Variants in CNTN6 observed in about 807,000 individuals in gnomAD.
The protein encoded by CNTN6 is contactin 6.
CNTN6 carries 137 observed loss-of-function variants against 122.8 expected under a neutral mutation model. That is an observed-to-expected ratio of 1.12 (90% CI 0.97 to 1.29). The LOEUF is 1.29. Ranked by LOEUF, CNTN6 falls within the 50% of genes most tolerant of loss-of-function variation. The pLI is 0.00. For missense variants in CNTN6, 1,634 were observed against 1,223.4 expected (o/e 1.34, Z -5.01); for synonymous variants, 570 against 426.0 (o/e 1.34, Z -4.16).
chr3:1,300,017 C>T (rs1027692807), intron 7 of CNTN6, among the ~76,000 whole-genome samples: 1 of 151,946 alleles, frequency 6.6e-6, no homozygotes, highest in African/African-American at 2.4e-5. Flanking sequence ...TGCTCTGTTG[C>T]TCAGGCTGGA....
intron 2 of CNTN6, among the ~76,000 whole-genome samples, chr3:1,199,458 G>C (rs1206599889): frequency 1.3e-5 from 2 of 151,970 alleles, no homozygotes; most frequent in African/African-American, 4.8e-5. Flanking sequence ...GGAATTACAG[G>C]TGTGAGCCAC....
At chr3:1,272,439 C>T (rs546463786) in intron 4 of CNTN6, among the ~76,000 whole-genome samples, 79 of 152,118 alleles carry the variant, frequency 5.2e-4, no homozygotes, top group Non-Finnish European at 6.3e-4. Flanking sequence ...GAGCATCTGA[C>T]ATATAATGGC....
At chr3:1,389,140 A>G (rs1693684325) in intron 20 of CNTN6, among the ~76,000 whole-genome samples, 2 of 145,620 alleles carry the variant, frequency 1.4e-5, no homozygotes, top group East Asian at 4.0e-4. Flanking sequence ...AATGAAGGAA[A>G]AAATGTTAAC....
chr3:1,134,897 T>G (rs2092432906), intron 1 of CNTN6, among the ~76,000 whole-genome samples: 1 of 152,090 alleles, frequency 6.6e-6, no homozygotes, highest in Non-Finnish European at 1.5e-5. Context: ...AAATCTTAGA[T>G]AATATTTTAG....
intron 20 of CNTN6, among the ~76,000 whole-genome samples, chr3:1,400,164 C>T (rs934107944): frequency 8.5e-5 from 13 of 152,094 alleles, no homozygotes; most frequent in African/African-American, 3.1e-4. Context: ...CTCAGCCTCA[C>T]AAATTCAAAA....
chr3:1,197,639 G>T (rs1370181153), intron 2 of CNTN6, among the ~76,000 whole-genome samples: 3 of 152,156 alleles, frequency 2.0e-5, no homozygotes, highest in Non-Finnish European at 4.4e-5. Flanking sequence ...GCACTTATGT[G>T]GAGAGGAAGC....
intron 1 of CNTN6, among the ~76,000 whole-genome samples, chr3:1,134,090 C>A (rs1200437402): frequency 6.6e-6 from 1 of 152,140 alleles, no homozygotes; most frequent in Non-Finnish European, 1.5e-5. Flanking sequence ...AAAGACCACT[C>A]ACTGTGAAGT....
chr3:1,394,297 C>A (rs917572424), intron 20 of CNTN6: 3 of 192,548 alleles, frequency 1.6e-5, no homozygotes, highest in South Asian at 7.7e-5. Context: ...GCAGTGACGG[C>A]CCCCCGAAAC....
At chr3:1,207,041 A>G (rs1291272834) in intron 2 of CNTN6, among the ~76,000 whole-genome samples, 2 of 152,106 alleles carry the variant, frequency 1.3e-5, no homozygotes, top group Non-Finnish European at 2.9e-5. Flanking sequence ...TCAAATGCAT[A>G]TACCTTCAGT....
intron 20 of CNTN6, among the ~76,000 whole-genome samples, chr3:1,388,397 C>T (rs1361286333): frequency 6.6e-6 from 1 of 150,394 alleles, no homozygotes; most frequent in Non-Finnish European, 1.5e-5. Context: ...ACATCCACAC[C>T]AAAAACCCAT....
At chr3:1,226,982 G>A (rs528154728) in intron 3 of CNTN6, among the ~76,000 whole-genome samples, 42 of 152,172 alleles carry the variant, frequency 2.8e-4, no homozygotes, top group African/African-American at 1.0e-3. Flanking sequence ...AAATATTTGG[G>A]GATTTTGATG....
chr3:1,251,622 A>G (rs1435047882), intron 4 of CNTN6, among the ~76,000 whole-genome samples: 1 of 151,850 alleles, frequency 6.6e-6, no homozygotes, highest in East Asian at 1.9e-4. Context: ...TCACTTTCCA[A>G]TTAATGACCA....
At chr3:1,335,818 C>T (rs1702967873) in intron 11 of CNTN6, among the ~76,000 whole-genome samples, 1 of 152,056 alleles carries the variant, frequency 6.6e-6, no homozygotes, top group East Asian at 1.9e-4. Flanking sequence ...TGCTTGAGTT[C>T]AGGAGTTCGA....
At chr3:1,379,706 G>C (rs1264500652) in intron 17 of CNTN6, among the ~76,000 whole-genome samples, 1 of 152,016 alleles carries the variant, frequency 6.6e-6, no homozygotes, top group Non-Finnish European at 1.5e-5. Context: ...GAGGAGGTGG[G>C]GGGTGGATAT....
chr3:1,185,907 A>G (rs1203402395), intron 2 of CNTN6, among the ~76,000 whole-genome samples: 1 of 152,210 alleles, frequency 6.6e-6, no homozygotes, highest in African/African-American at 2.4e-5. Context: ...TTTAGTTCCT[A>G]GAGACAGATG....
chr3:1,124,038 C>T (rs1214214563), intron 1 of CNTN6, among the ~76,000 whole-genome samples: 2 of 151,776 alleles, frequency 1.3e-5, no homozygotes, highest in Non-Finnish European at 2.9e-5. Flanking sequence ...GGACAAATCC[C>T]GATTGGCCAT....
chr3:1,198,860 G>T (rs1454801930), intron 2 of CNTN6, among the ~76,000 whole-genome samples: 1 of 152,200 alleles, frequency 6.6e-6, no homozygotes, highest in Non-Finnish European at 1.5e-5. Context: ...CTTCGCATAT[G>T]TAATTTGTTA....
intron 1 of CNTN6, among the ~76,000 whole-genome samples, chr3:1,109,645 T>G (rs1428030802): frequency 6.6e-6 from 1 of 152,080 alleles, no homozygotes; most frequent in African/African-American, 2.4e-5. Context: ...TTATTTTCTC[T>G]TAACATATTT....
intron 7 of CNTN6, among the ~76,000 whole-genome samples, chr3:1,300,865 C>G (rs1697263808): frequency 6.6e-6 from 1 of 151,526 alleles, no homozygotes; most frequent in African/African-American, 2.4e-5. Flanking sequence ...ATGGTAAGAT[C>G]TAATCAGGAA....
Sources: allele counts gnomAD v4.1 joint callset (sites outside exome capture counted in the v4.1 genomes callset), GRCh38; gene constraint gnomAD v4.1.1; transcripts MANE v1.5; gene names NCBI Gene and HGNC (gene_info 2026-07-23, HGNC 2026-07-21).